The following NTRK3 variants were observed in gnomAD, a reference collection of about 807,000 sequenced individuals.
NTRK3 encodes the protein NT-3 growth factor receptor.
NTRK3 carries 24 observed loss-of-function variants against 91.7 expected under a neutral mutation model. The ratio of observed to expected loss-of-function variants is 0.26; its 90% CI spans 0.19 to 0.37. NTRK3 has a LOEUF of 0.37. NTRK3 is among the 10% of genes least tolerant of loss of function. NTRK3 has a pLI of 1.00. For missense variants in NTRK3, 880 were observed against 1,068.9 expected, an observed-to-expected ratio of 0.82 and a Z score of 2.46; for synonymous variants, 483 against 404.0, an observed-to-expected ratio of 1.20 and a Z score of -2.34.
intron 6 of NTRK3, among the ~76,000 whole-genome samples, chr15:88,144,567 G>C (rs1013657693): frequency 2.6e-5 from 4 of 152,140 alleles, no homozygotes; most frequent in Non-Finnish European, 5.9e-5. Flanking sequence ...AAACAGCCTG[G>C]TCTTTGGAAA....
chr15:88,156,484 A>G (rs1294455474), intron 5 of NTRK3, among the ~76,000 whole-genome samples: 1 of 148,410 alleles, frequency 6.7e-6, no homozygotes, highest in African/African-American at 2.5e-5. Flanking sequence ...CCCTCCCCCT[A>G]GCTAACCCTA....
chr15:87,871,242 T>C (rs889072607), exon 19 of NTRK3: 2 of 230,960 alleles, frequency 8.7e-6, no homozygotes, highest in African/African-American at 4.4e-5. Context: ...GATACTTTCA[T>C]AGGAAAATAA....
intron 3 of NTRK3, among the ~76,000 whole-genome samples, chr15:88,209,069 T>C (rs969288152): frequency 4.6e-5 from 7 of 152,158 alleles, no homozygotes; most frequent in Non-Finnish European, 8.8e-5. Flanking sequence ...AAACTACTAT[T>C]AGGCATAAGT....
chr15:88,033,175 G>GTT lies in NTRK3; in HGVS notation c.1397-132_1397-131dup, dbSNP rs1385063857. 4.5e-5 allele frequency: 10 copies of GTT among 223,074 alleles called. No individual in the cohort carries two copies. In the African/African-American group the frequency reaches 4.8e-4, roughly 11 times the overall value. The allele number at this position is 223,074 out of a possible 1,614,324, so 13.8% of individuals were successfully genotyped here. ...TCTTTTTTTTACTTTTGGGGGGTGT[G>GTT]TTATATATATATATATATATATATA... On this transcript the variant is annotated intron_variant, in intron 13 of 18. Coordinates refer to ENST00000394480, the Ensembl canonical transcript of NTRK3.
At chr15:88,037,553 C>T (rs2079178550) in intron 13 of NTRK3, among the ~76,000 whole-genome samples, 1 of 152,120 alleles carries the variant, frequency 6.6e-6, no homozygotes, top group Non-Finnish European at 1.5e-5. Flanking sequence ...CAGAGCAAGA[C>T]TCCCTCTCAA....
intron 14 of NTRK3, among the ~76,000 whole-genome samples, chr15:87,998,209 G>T (rs533856964): frequency 6.6e-6 from 1 of 152,314 alleles, no homozygotes; most frequent in Non-Finnish European, 1.5e-5. Flanking sequence ...GAATCACCCT[G>T]GTTGAGAACC....
chr15:87,872,306 C>T (rs778095494), exon 19 of NTRK3: 3 of 222,218 alleles, frequency 1.4e-5, no homozygotes, highest in African/African-American at 4.5e-5. Context: ...CAAGGTAATA[C>T]TGCTGCTGTT....
intron 13 of NTRK3, among the ~76,000 whole-genome samples, chr15:88,076,130 T>C (rs1026182141): frequency 1.6e-4 from 24 of 152,332 alleles, no homozygotes; most frequent in African/African-American, 5.8e-4. Context: ...GGACTCATAG[T>C]TCCACTTTGC....
At chr15:88,140,038 A>G (rs2042244820) in intron 6 of NTRK3, among the ~76,000 whole-genome samples, 1 of 152,190 alleles carries the variant, frequency 6.6e-6, no homozygotes, top group African/African-American at 2.4e-5. Context: ...AAATGTGTCA[A>G]GGAGTGCTGG....
intron 5 of NTRK3, among the ~76,000 whole-genome samples, chr15:88,172,440 G>A (rs1408509807): frequency 6.6e-6 from 1 of 152,194 alleles, no homozygotes; most frequent in Non-Finnish European, 1.5e-5. Context: ...AATCAAGGAT[G>A]GAAAACATGA....
chr15:88,088,585 C>G (rs999044810), intron 13 of NTRK3, among the ~76,000 whole-genome samples: 8 of 151,962 alleles, frequency 5.3e-5, no homozygotes, highest in African/African-American at 1.9e-4. Context: ...TATGCATATA[C>G]CAGCATATAT....
chr15:87,940,171 C>T (rs2069688339), intron 15 of NTRK3, among the ~76,000 whole-genome samples: 1 of 152,152 alleles, frequency 6.6e-6, no homozygotes, highest in Non-Finnish European at 1.5e-5. Flanking sequence ...AACATCTATT[C>T]TCAGTGACTT....
chr15:88,219,310 A>C (rs1329452764), intron 3 of NTRK3, among the ~76,000 whole-genome samples: 1 of 152,260 alleles, frequency 6.6e-6, no homozygotes, highest in Non-Finnish European at 1.5e-5. Context: ...CTGTTTGGGT[A>C]CAACTGGGCT....
In NTRK3 at chr15:88,214,461, C is replaced by T. The variant is rs74625732; in HGVS notation, c.249-30162G>A. ...AACACCAGTCACTGGGTTTAGGGCC[C>T]CTCTTAATGCTATATAACCTCATCT... is the stretch of plus-strand genomic sequence containing the variant. On this transcript the variant is annotated intron_variant, in intron 3 of 18. Transcript: ENST00000394480. Among the ~76,000 whole-genome samples the T allele has an allele frequency of 0.014, 2,070 of 152,168 alleles. 112 individuals carry two copies. In the South Asian group the frequency reaches 0.15, roughly 11 times the overall value.
Position 87,880,897 on chromosome 15 carries a change from G to A in NTRK3, c.2134-469C>T, listed in dbSNP as rs115097562. Among the ~76,000 whole-genome samples, 1,262 of 152,234 alleles carry A rather than the reference G, an allele frequency of 8.3e-3. 20 individuals are homozygous for A. The highest frequency in any genetic ancestry group is 0.028 in the African/African-American group (1,173 of 41,538). On this transcript the variant is annotated intron_variant, in intron 17 of 18. Transcript: ENST00000394480. Reference sequence around the variant, plus strand: ...ACTTTAGCTTCTAACTGACAATCTCGAATCTCTCACCACAATTTAGGACTC... The same window carrying A: ...ACTTTAGCTTCTAACTGACAATCTCAAATCTCTCACCACAATTTAGGACTC...
intron 3 of NTRK3, chr15:88,210,109 T>C (rs2049115991): frequency 1.3e-5 from 2 of 152,208 alleles, no homozygotes; most frequent in Admixed American, 1.3e-4. Context: ...ATATTATCAA[T>C]TTCTCTGTGT....
intron 13 of NTRK3, among the ~76,000 whole-genome samples, chr15:88,061,392 G>A (rs1482632527): frequency 2.0e-5 from 3 of 152,222 alleles, no homozygotes; most frequent in African/African-American, 4.8e-5. Flanking sequence ...GACCCCCAGT[G>A]GTCAGAAGGG....
At chr15:87,991,235 T>C (rs1393006295) in intron 14 of NTRK3, among the ~76,000 whole-genome samples, 1 of 152,170 alleles carries the variant, frequency 6.6e-6, no homozygotes, top group African/African-American at 2.4e-5. Flanking sequence ...ATCAGTCTTT[T>C]CACCCCTGGC....
At position 88,075,955 on chromosome 15, in the gene NTRK3, T is replaced by C. The variant is rs185103296; in HGVS notation, c.1397-42910A>G. Among the ~76,000 whole-genome samples, 348 of 152,368 alleles carry C rather than the reference T, an allele frequency of 2.3e-3. 2 individuals carry two copies. Among genetic ancestry groups the C allele is most frequent in the Non-Finnish European group, 2.8e-3 (192 of 68,026 alleles). ...TATGTGAAGCACTAAACTCAGAGCCTGGCACACACTCAGCTTTCAGCTTAG... is the reference window on the plus strand; with the variant it reads ...TATGTGAAGCACTAAACTCAGAGCCCGGCACACACTCAGCTTTCAGCTTAG... On this transcript the variant is annotated intron_variant, in intron 13 of 18. Transcript: ENST00000394480.
Sources: gnomAD v4.1 joint callset for allele counts (sites outside exome capture counted in the v4.1 genomes callset) on GRCh38, gnomAD v4.1.1 for gene constraint, MANE v1.5 for transcripts, NCBI Gene and HGNC (gene_info 2026-07-23, HGNC 2026-07-21) for gene names.